The following RAB38 variants were observed in gnomAD, a reference collection of about 807,000 sequenced individuals.
RAB38 encodes the protein RAB38, member RAS oncogene family, also known as ras-related protein Rab-38.
A neutral mutation model predicts 18.4 loss-of-function variants in RAB38; 15 were observed. The observed-to-expected ratio is 0.82, with a 90% CI of 0.55 to 1.26. The LOEUF (loss-of-function observed/expected upper bound fraction) is 1.26. RAB38 is among the 50% of genes most tolerant of loss of function. The pLI, the probability that RAB38 is intolerant of heterozygous loss-of-function variation, is 0.00. For synonymous variants in RAB38, 101 were observed against 104.4 expected, an observed-to-expected ratio of 0.97 and a Z score of 0.20; for missense variants, 294 against 267.4, an observed-to-expected ratio of 1.10 and a Z score of -0.69.
the RAB38 span, among the ~76,000 whole-genome samples, chr11:87,955,259 T>A: frequency 5.3e-5 from 8 of 152,230 alleles, no homozygotes; most frequent in Non-Finnish European, 1.2e-4. Context: ...AAATCCAAAT[T>A]ATAAAGGAAA....
the RAB38 span, among the ~76,000 whole-genome samples, chr11:87,966,666 T>C: frequency 6.6e-6 from 1 of 152,200 alleles, no homozygotes; most frequent in Non-Finnish European, 1.5e-5. Context: ...AGGTACCAGA[T>C]GACTGGCATT....
the RAB38 span, among the ~76,000 whole-genome samples, chr11:88,059,336 C>T: frequency 6.6e-6 from 1 of 152,184 alleles, no homozygotes; most frequent in African/African-American, 2.4e-5. Context: ...GGCTTATAAT[C>T]TCTATTCATT....
chr11:87,827,018 G>C, the RAB38 span, among the ~76,000 whole-genome samples: 1 of 152,128 alleles, frequency 6.6e-6, no homozygotes, highest in East Asian at 1.9e-4. Flanking sequence ...TTTGTGGACA[G>C]GGATTTGGCT....
chr11:88,075,641 A>C, the RAB38 span, among the ~76,000 whole-genome samples: 2 of 152,146 alleles, frequency 1.3e-5, no homozygotes, highest in Non-Finnish European at 2.9e-5. Flanking sequence ...AACACTTTGG[A>C]AAGTCAAGCT....
chr11:87,947,949 G>C, the RAB38 span, among the ~76,000 whole-genome samples: 3 of 152,194 alleles, frequency 2.0e-5, no homozygotes, highest in Non-Finnish European at 4.4e-5. Context: ...TTGGTAGCTT[G>C]ATGGGGATGG....
At chr11:87,849,659 C>G in the RAB38 span, among the ~76,000 whole-genome samples, 388 of 152,240 alleles carry the variant, frequency 2.5e-3, 8 homozygotes, top group Admixed American at 0.021. Flanking sequence ...TTTCTGCCAG[C>G]TGGACATAGT....
chr11:87,914,400 G>A, the RAB38 span, among the ~76,000 whole-genome samples: 1 of 152,096 alleles, frequency 6.6e-6, no homozygotes. Context: ...GTGGAGGACT[G>A]AACTTAAGAG....
At chr11:87,822,149 G>A in the RAB38 span, among the ~76,000 whole-genome samples, 1 of 150,838 alleles carries the variant, frequency 6.6e-6, no homozygotes, top group Non-Finnish European at 1.5e-5. Flanking sequence ...ACCAAAAAGT[G>A]TAAGAAAAAA....
At chr11:88,143,252 C>T (rs984382345) in intron 2 of RAB38, among the ~76,000 whole-genome samples, 3 of 152,224 alleles carry the variant, frequency 2.0e-5, no homozygotes, top group Non-Finnish European at 2.9e-5. Flanking sequence ...CAAGGATAAG[C>T]TAAAATGTAT....
At chr11:88,004,207 A>G in the RAB38 span, among the ~76,000 whole-genome samples, 1 of 150,382 alleles carries the variant, frequency 6.6e-6, no homozygotes, top group African/African-American at 2.4e-5. Context: ...GAAAGGACAT[A>G]CATTCTTCGT....
chr11:87,841,734 A>G, the RAB38 span, among the ~76,000 whole-genome samples: 2 of 152,214 alleles, frequency 1.3e-5, no homozygotes, highest in Non-Finnish European at 2.9e-5. Context: ...CTCATTGTTT[A>G]TAGGTGAACA....
the RAB38 span, among the ~76,000 whole-genome samples, chr11:87,824,978 AAGAG>A: frequency 3.5e-4 from 53 of 150,434 alleles, 1 homozygote; most frequent in South Asian, 2.5e-3. Flanking sequence ...ACACTTTTGA[AAGAG>A]AGAGAGAGAG....
chr11:88,074,708 A>G, the RAB38 span, among the ~76,000 whole-genome samples: 6,178 of 152,250 alleles, frequency 0.041, 157 homozygotes, highest in African/African-American at 0.074. Context: ...TTACTTATCA[A>G]TAATACCAGT....
At chr11:88,031,616 A>G in the RAB38 span, among the ~76,000 whole-genome samples, 1 of 151,792 alleles carries the variant, frequency 6.6e-6, no homozygotes, top group Non-Finnish European at 1.5e-5. Context: ...TCATGAGTGA[A>G]CTCCTATTCA....
chr11:87,867,563 C>A, the RAB38 span, among the ~76,000 whole-genome samples: 1 of 151,718 alleles, frequency 6.6e-6, no homozygotes, highest in East Asian at 1.9e-4. Context: ...AAGAATTGGA[C>A]TTTATGATTA....
chr11:87,956,764 T>C, the RAB38 span, among the ~76,000 whole-genome samples: 3 of 152,018 alleles, frequency 2.0e-5, 1 homozygote, highest in East Asian at 5.8e-4. Context: ...TGAAAGTAAG[T>C]CATAAGACCC....
chr11:87,948,989 G>C, the RAB38 span, among the ~76,000 whole-genome samples: 1 of 152,062 alleles, frequency 6.6e-6, no homozygotes, highest in Non-Finnish European at 1.5e-5. Context: ...TGTACCTCTG[G>C]TAGAATTCGG....
At chr11:87,968,459 C>T in the RAB38 span, among the ~76,000 whole-genome samples, 2 of 152,144 alleles carry the variant, frequency 1.3e-5, no homozygotes, top group Non-Finnish European at 2.9e-5. Context: ...AATATGGACA[C>T]TTCTGGGGCT....
At chr11:88,018,926 A>T in the RAB38 span, among the ~76,000 whole-genome samples, 4 of 151,836 alleles carry the variant, frequency 2.6e-5, no homozygotes, top group Non-Finnish European at 5.9e-5. Context: ...AGCAACATTG[A>T]TATACTCAAT....
Sources: gnomAD v4.1 joint callset for allele counts (sites outside exome capture counted in the v4.1 genomes callset) on GRCh38, gnomAD v4.1.1 for gene constraint, MANE v1.5 for transcripts, NCBI Gene and HGNC (gene_info 2026-07-23, HGNC 2026-07-21) for gene names.